The following SCG3 variants were observed in gnomAD, a reference collection of about 807,000 sequenced individuals.
The protein encoded by SCG3 is secretogranin-3.
In SCG3, 38 loss-of-function variants were observed where a neutral mutation model predicts 56.2. The observed-to-expected ratio is 0.68, with a 90% CI of 0.52 to 0.89. The LOEUF is 0.89. SCG3 is among the 40% of genes least tolerant of loss of function. The pLI is 0.00. For missense variants in SCG3, 524 were observed against 540.7 expected (o/e 0.97, Z 0.31); for synonymous variants, 176 against 184.2 (o/e 0.96, Z 0.36).
rs1283053216 is a variant in SCG3 at position 51,688,269 on chromosome 15, A to G, written c.407A>G (p.Asp136Gly). ...GLDHKFQDDP[D>G]GLHQLDGTPL... Reference sequence around the variant, plus strand: ...TGGTCGTTCTGTCTAGATGATCCAGATGGTCTTCATCAACTAGACGGGACT... The same window carrying G: ...TGGTCGTTCTGTCTAGATGATCCAGGTGGTCTTCATCAACTAGACGGGACT... Residue 136 changes from aspartate (D) to glycine (G), a missense_variant, in exon 5 of 12, where the codon GAT (aspartate) becomes GGT (glycine). By Grantham distance (94) the Asp-to-Gly change is moderately conservative (BLOSUM62 -1). Coordinates refer to ENST00000220478, the MANE Select transcript of SCG3 (RefSeq NM_013243.4). 1 of 1,613,448 alleles carries G rather than the reference A, an allele frequency of 6.2e-7. No individual in the cohort carries two copies. Among genetic ancestry groups the G allele is most frequent in the Admixed American group, 1.7e-5 (1 of 59,966 alleles).
intron 10 of SCG3, among the ~76,000 whole-genome samples, chr15:51,711,890 T>C (rs978950314): frequency 6.6e-6 from 1 of 152,050 alleles, no homozygotes. Context: ...AGATCTTCGG[T>C]GGTAAGGCAA....
chr15:51,715,047 A>C (rs970891413), intron 11 of SCG3: 1 of 152,228 alleles, frequency 6.6e-6, no homozygotes, highest in Admixed American at 6.5e-5. Flanking sequence ...AGCCATGATA[A>C]ATTGTATGGT....
At chr15:51,682,481 C>T (rs868276225) in intron 1 of SCG3, 36 bp from the exon 2 acceptor site, 2 of 1,167,892 alleles carry the variant, frequency 1.7e-6, no homozygotes, top group Non-Finnish European at 2.4e-6. Context: ...TCCTTCAACG[C>T]ACAATTAAAT....
intron 7 of SCG3, chr15:51,695,599 T>G (rs1267134168): frequency 2.0e-5 from 5 of 247,270 alleles, no homozygotes; most frequent in Admixed American, 5.5e-5. Flanking sequence ...TTCAGTAAAA[T>G]ACTGTAATTA....
Position 51,720,207 on chromosome 15 carries a change from A to G in SCG3, c.*681A>G, listed in dbSNP as rs1202333221. The G allele has an allele frequency of 6.6e-6, 1 of 152,280 alleles. No homozygotes were observed. Among genetic ancestry groups the G allele is most frequent in the East Asian group, 1.9e-4 (1 of 5,204 alleles). 9.4% of individuals were successfully genotyped at this position (152,280 alleles called of 1,614,324 possible). On this transcript the variant is annotated 3_prime_UTR_variant, in exon 12 of 12. Transcript: ENST00000220478. ...AAGAGAGATATTTATGTACTCTCTAAGAAGACAAATGAGGTCATAAACACT... is the reference window on the plus strand; with the variant it reads ...AAGAGAGATATTTATGTACTCTCTAGGAAGACAAATGAGGTCATAAACACT...
chr15:51,710,444 C>T (rs2055413459), intron 10 of SCG3, among the ~76,000 whole-genome samples: 2 of 152,176 alleles, frequency 1.3e-5, no homozygotes, highest in Admixed American at 1.3e-4. Flanking sequence ...ATAGTAAACT[C>T]ATTCTCTGTT....
intron 10 of SCG3, among the ~76,000 whole-genome samples, chr15:51,711,042 A>G (rs528862061): frequency 1.3e-5 from 2 of 152,366 alleles, no homozygotes; most frequent in Admixed American, 1.3e-4. Context: ...GAAAAAAGCC[A>G]ATATAAGGTG....
At chr15:51,692,359 T>C in intron 7 of SCG3, 23 bp downstream of exon 7, 1 of 1,596,394 alleles carries the variant, frequency 6.3e-7, no homozygotes. Context: ...TGGTTGTGAT[T>C]ATGTGGAACA....
chr15:51,692,482 AT>A (rs540967840), intron 7 of SCG3, 146 bp downstream of exon 7: 65 of 653,844 alleles, frequency 9.9e-5, no homozygotes, highest in East Asian at 6.9e-4. Flanking sequence ...GTTCACATCG[AT>A]TTTTTTTTCC....
intron 4 of SCG3, among the ~76,000 whole-genome samples, chr15:51,687,053 T>C (rs1457040262): frequency 1.3e-5 from 2 of 152,212 alleles, no homozygotes; most frequent in Non-Finnish European, 2.9e-5. Flanking sequence ...TGATGAGGAT[T>C]GTCTGGGCAG....
In SCG3 at chr15:51,719,577, A is replaced by G; in HGVS notation, c.*51A>G. On this transcript the variant is annotated 3_prime_UTR_variant, in exon 12 of 12. Coordinates refer to ENST00000220478, the MANE Select transcript of SCG3 (RefSeq NM_013243.4). ...TCAACTGTTTCAGAAAACATAATAT[A>G]GCTTAAAACACTTCTAATTCTGTGA... The G allele has an allele frequency of 8.0e-7, 1 of 1,253,632 alleles. No individual in the cohort carries two copies. The highest frequency in any genetic ancestry group is 1.2e-6 in the Non-Finnish European group (1 of 866,800). 77.7% of individuals were successfully genotyped at this position (1,253,632 alleles called of 1,614,324 possible).
At chr15:51,715,120 A>G (rs554056048) in intron 11 of SCG3, 2 of 152,374 alleles carry the variant, frequency 1.3e-5, no homozygotes, top group African/African-American at 4.8e-5. Context: ...ACTCCTGGTC[A>G]TAATCAACAA....
At chr15:51,683,149 A>C (rs756386446) in intron 3 of SCG3, 25 bp downstream of exon 3, 13 of 1,600,990 alleles carry the variant, frequency 8.1e-6, no homozygotes, top group Non-Finnish European at 1.1e-5. Context: ...TATTGATGTT[A>C]ATTTAAATAA....
intron 10 of SCG3, among the ~76,000 whole-genome samples, chr15:51,709,356 G>A (rs370455725): frequency 4.0e-4 from 61 of 152,080 alleles, no homozygotes; most frequent in African/African-American, 1.4e-3. Flanking sequence ...ATGAGACTTG[G>A]GTGGGGACAC....
chr15:51,697,602 T>G (rs1412509480), intron 8 of SCG3, among the ~76,000 whole-genome samples: 1 of 152,208 alleles, frequency 6.6e-6, no homozygotes. Flanking sequence ...TTGGACAACA[T>G]TGGCTTGTAG....
intron 7 of SCG3, among the ~76,000 whole-genome samples, chr15:51,695,024 C>A (rs1844003184): frequency 2.1e-5 from 3 of 144,874 alleles, no homozygotes. Flanking sequence ...GAGTGAGACT[C>A]TATCTCAAAA....
At chr15:51,693,045 T>C (rs1184933995) in intron 7 of SCG3, among the ~76,000 whole-genome samples, 5 of 152,118 alleles carry the variant, frequency 3.3e-5, no homozygotes, top group Non-Finnish European at 7.4e-5. Flanking sequence ...TCCCCATTTT[T>C]CCCTCCCCTT....
intron 10 of SCG3, chr15:51,713,123 C>T (rs1036342620): frequency 5.6e-6 from 2 of 358,826 alleles, no homozygotes; most frequent in African/African-American, 4.4e-5. Context: ...CCTCCTGGAA[C>T]CTCATCCGCA....
intron 5 of SCG3, 81 bp from the exon 6 acceptor site, chr15:51,689,138 G>T: frequency 7.1e-7 from 1 of 1,405,534 alleles, no homozygotes; most frequent in South Asian, 1.3e-5. Context: ...ATACATGTTT[G>T]ACTACAGTTT....
Sources: allele counts gnomAD v4.1 joint callset (sites outside exome capture counted in the v4.1 genomes callset), GRCh38; gene constraint gnomAD v4.1.1; transcripts MANE v1.5; gene names NCBI Gene and HGNC (gene_info 2026-07-23, HGNC 2026-07-21).